RRBP1: variants seen among roughly 807,000 people sequenced by gnomAD.
RRBP1 encodes ribosome-binding protein 1.
RRBP1 carries 94 observed loss-of-function variants against 165.2 expected under a neutral mutation model. The ratio of observed to expected loss-of-function variants is 0.57; its 90% confidence interval spans 0.48 to 0.68. The LOEUF is 0.68. Among genes scored for constraint, RRBP1 ranks in the 30% least tolerant of loss-of-function variants. The pLI, the probability that RRBP1 is intolerant of heterozygous loss-of-function variation, is 0.00. For synonymous variants in RRBP1, 680 were observed against 714.5 expected (o/e 0.95, Z 0.77); for missense variants, 1,676 against 1,763.0 (o/e 0.95, Z 0.88).
chr20:17,656,311 C>T (rs1367264301), intron 3 of RRBP1, among the ~76,000 whole-genome samples: 3 of 152,206 alleles, frequency 2.0e-5, no homozygotes, highest in East Asian at 1.9e-4. Flanking sequence ...CACAGCCCTG[C>T]GTGGCTGTGT....
At chr20:17,670,423 C>A (rs2036954436) in intron 2 of RRBP1, among the ~76,000 whole-genome samples, 1 of 126,266 alleles carries the variant, frequency 7.9e-6, no homozygotes, top group Non-Finnish European at 1.7e-5. Flanking sequence ...ATTGTTTCTA[C>A]TTTTTAGCAA....
In RRBP1 at chr20:17,633,632, C is replaced by A. The variant is rs753952358; in HGVS notation, c.2457-19G>T. On this transcript the variant is annotated intron_variant, in intron 7 of 24. Coordinates refer to ENST00000377813, the MANE Select transcript of RRBP1 (RefSeq NM_001365613.2). ...GTTCTGCCTGCAAGACAGTCACCAG[C>A]CCGACTAATGGAAAGAAAAGGGTGA... 2.5e-6 allele frequency: 4 copies of A among 1,612,104 alleles called. No homozygotes were observed. Among genetic ancestry groups the A allele is most frequent in the Non-Finnish European group, 3.4e-6 (4 of 1,179,018 alleles).
chr20:17,668,903 G>A (rs552206076), intron 2 of RRBP1, among the ~76,000 whole-genome samples: 2 of 152,258 alleles, frequency 1.3e-5, no homozygotes, highest in African/African-American at 4.8e-5. Flanking sequence ...TCCCTACCTT[G>A]TGAATGCACT....
At chr20:17,677,390 A>G (rs2037103320) in intron 2 of RRBP1, among the ~76,000 whole-genome samples, 1 of 152,248 alleles carries the variant, frequency 6.6e-6, no homozygotes, top group African/African-American at 2.4e-5. Flanking sequence ...TTCTGACCAG[A>G]AAGAGATCAA....
chr20:17,636,547 T>A (rs1264618137), intron 6 of RRBP1, 30 bp downstream of exon 6: 15 of 1,604,474 alleles, frequency 9.3e-6, no homozygotes, highest in African/African-American at 1.3e-5. Context: ...TCCTGTCCCT[T>A]CCCATGCCCC....
chr20:17,643,095 G>C lies in RRBP1; in HGVS notation c.1945C>G (p.Pro649Ala). The change falls in exon 4 of 25, where the codon CCC (proline) becomes GCC (alanine). Residue 649 changes from proline to alanine, a missense_variant. Around this residue, in one of 5 missense-constraint regions of RRBP1, gnomAD observed 1,184 missense variants for 1,167.1 expected, o/e 1.01. Coordinates refer to ENST00000377813, the MANE Select transcript of RRBP1 (RefSeq NM_001365613.2). The surrounding 1 kb of genome is among the most constrained non-coding windows in gnomAD (Gnocchi z 4.3). Reference protein sequence around the residue: ...PPDADGPLYLPYKTLVSTVGS... With the variant: ...PPDADGPLYLAYKTLVSTVGS... ...ACCGTGGAGACCAGCGTCTTGTAGG[G>C]GAGGTAGAGAGGGCCGTCGGCATCT... The C allele has an allele frequency of 6.2e-7, 1 of 1,614,106 alleles. No homozygotes were observed. The highest frequency in any genetic ancestry group is 8.5e-7 in the Non-Finnish European group (1 of 1,180,020).
intron 5 of RRBP1, among the ~76,000 whole-genome samples, chr20:17,639,231 T>C (rs1202728666): frequency 2.6e-5 from 4 of 152,172 alleles, no homozygotes; most frequent in Admixed American, 6.5e-5. Flanking sequence ...CTCAAGGGCG[T>C]CTGAGCCCAT....
At chr20:17,621,352 G>A in intron 16 of RRBP1, 106 bp downstream of exon 16, 1 of 779,268 alleles carries the variant, frequency 1.3e-6, no homozygotes, top group East Asian at 2.7e-5. Flanking sequence ...CACAAGGCCA[G>A]TGGGCTTTTC....
At position 17,616,848 on chromosome 20, in the gene RRBP1, G is replaced by T. The variant is rs545898145; in HGVS notation, c.3760-9C>A. On this transcript the variant is annotated splice_polypyrimidine_tract_variant and intron_variant, in intron 20 of 24. Transcript: ENST00000377813. ...CTCAACTGCTGCCTGACCTGGAACA[G>T]GAAGGGGTGTGTTTGCAAATGCACA... 1.9e-6 allele frequency: 3 copies of T among 1,605,266 alleles called. No homozygotes were observed. The highest frequency in any genetic ancestry group is 2.6e-6 in the Non-Finnish European group (3 of 1,172,654).
chr20:17,635,322 G>A (rs925387163), intron 7 of RRBP1, among the ~76,000 whole-genome samples: 7 of 152,212 alleles, frequency 4.6e-5, no homozygotes, highest in African/African-American at 1.7e-4. Flanking sequence ...CTGTGCTCCA[G>A]GGCACAGTCG....
intron 7 of RRBP1, among the ~76,000 whole-genome samples, chr20:17,634,895 T>C (rs1228761962): frequency 6.6e-6 from 1 of 152,108 alleles, no homozygotes; most frequent in African/African-American, 2.4e-5. Context: ...CCTGTCCAGC[T>C]CCCACACTGG....
At chr20:17,618,546 C>T (rs377290961) in intron 20 of RRBP1, 50 bp downstream of exon 20, 67 of 1,378,388 alleles carry the variant, frequency 4.9e-5, no homozygotes, top group Middle Eastern at 1.8e-4. Flanking sequence ...ATCTCACACA[C>T]GCAACGCCCC....
chr20:17,633,351 T>C, intron 8 of RRBP1, 109 bp downstream of exon 8: 1 of 1,203,582 alleles, frequency 8.3e-7, no homozygotes, highest in South Asian at 1.4e-5. Context: ...CAGTCAAGGC[T>C]AGAAACGGGT....
At chr20:17,648,993 C>T (rs374138226) in intron 3 of RRBP1, among the ~76,000 whole-genome samples, 3 of 152,314 alleles carry the variant, frequency 2.0e-5, no homozygotes, top group East Asian at 3.9e-4. Flanking sequence ...AGCCTCAACA[C>T]GTTTTCAAGT....
At chr20:17,670,283 T>TG (rs2036951241) in intron 2 of RRBP1, among the ~76,000 whole-genome samples, 1 of 152,218 alleles carries the variant, frequency 6.6e-6, no homozygotes, top group African/African-American at 2.4e-5. Context: ...TACATACTGC[T>TG]GGACTTTGTT....
intron 19 of RRBP1, 43 bp downstream of exon 19, chr20:17,619,590 G>A (rs750829093): frequency 4.1e-6 from 6 of 1,455,872 alleles, no homozygotes; most frequent in African/African-American, 1.4e-5. Context: ...GAGGACCGCA[G>A]ATCTGCTGGG....
At chr20:17,626,620 C>T (rs937755429) in intron 11 of RRBP1, among the ~76,000 whole-genome samples, 1 of 152,178 alleles carries the variant, frequency 6.6e-6, no homozygotes, top group Non-Finnish European at 1.5e-5. Flanking sequence ...ATGCCTCCCC[C>T]ACCTACTGCT....
chr20:17,628,222 G>A (rs1388921802), intron 9 of RRBP1, among the ~76,000 whole-genome samples: 2 of 152,042 alleles, frequency 1.3e-5, no homozygotes, highest in African/African-American at 4.8e-5. Flanking sequence ...TGTCATCTTC[G>A]TGCCTCTGAG....
At chr20:17,678,928 T>G (rs1017516676) in intron 2 of RRBP1, among the ~76,000 whole-genome samples, 1 of 152,234 alleles carries the variant, frequency 6.6e-6, no homozygotes, top group Admixed American at 6.5e-5. Context: ...TGCCAGATTT[T>G]CAAAATGCCT....
Sources: allele counts gnomAD v4.1 joint callset (sites outside exome capture counted in the v4.1 genomes callset), GRCh38; gene constraint gnomAD v4.1.1; regional missense constraint gnomAD v4.1.1; non-coding constraint Gnocchi (gnomAD v3.1); transcripts MANE v1.5; gene names NCBI Gene and HGNC (gene_info 2026-07-23, HGNC 2026-07-21).